Variants in FAAH2 observed in about 807,000 individuals in gnomAD.
FAAH2 encodes fatty acid amide hydrolase 2.
FAAH2 carries 60 observed loss-of-function variants against 36.9 expected under a neutral mutation model. The ratio of observed to expected loss-of-function variants is 1.63; its 90% CI spans 1.32 to 2.02. The LOEUF is 2.02. FAAH2 is among the 30% of genes most tolerant of loss of function. The pLI is 0.00. For synonymous variants in FAAH2, 214 were observed against 143.8 expected (o/e 1.49, Z -3.49); for missense variants, 689 against 397.5 (o/e 1.73, Z -6.23).
chrX:57,184,520 G>T, the FAAH2 span, among the ~76,000 whole-genome samples: 1 of 111,996 alleles, frequency 8.9e-6, no homozygotes, highest in Non-Finnish European at 1.9e-5. Flanking sequence ...ATTGGGGGTG[G>T]GTTCCCCCAA....
At chrX:57,399,033 A>G (rs961052041) in intron 7 of FAAH2, among the ~76,000 whole-genome samples, 2 of 111,479 alleles carry the variant, frequency 1.8e-5, no homozygotes, top group Non-Finnish European at 3.8e-5. Context: ...TCAACATCCG[A>G]GCATGGACTA....
At chrX:57,161,186 A>G in the FAAH2 span, among the ~76,000 whole-genome samples, 115 of 112,063 alleles carry the variant, frequency 1.0e-3, 1 homozygote, top group African/African-American at 3.6e-3. Flanking sequence ...GAGTTTCTTA[A>G]TCCTGAGTTC....
In FAAH2 at chrX:57,306,911, T is replaced by C. The variant is rs1372009450; in HGVS notation, c.276-3682T>C. ...TACACCATATATACATATATAGTAC[T>C]ATATAGTATATATAGTGTGTATATA... On this transcript the variant is annotated intron_variant, in intron 2 of 10. Transcript: ENST00000374900. 6.0e-5 allele frequency among the ~76,000 whole-genome samples: 5 copies of C among 82,770 alleles called. No homozygotes were observed. In the East Asian group the frequency reaches 1.5e-3, roughly 24 times the overall value. 71.9% of individuals were successfully genotyped at this position (82,770 alleles called of 115,157 possible).
the FAAH2 span, among the ~76,000 whole-genome samples, chrX:57,175,968 A>G: frequency 8.1e-5 from 9 of 111,783 alleles, no homozygotes; most frequent in Admixed American, 3.8e-4. Context: ...TTTCTTTATA[A>G]GTTATCTGAT....
intron 6 of FAAH2, among the ~76,000 whole-genome samples, chrX:57,379,872 C>A (rs187428607): frequency 2.9e-5 from 3 of 104,997 alleles, no homozygotes; most frequent in African/African-American, 1.1e-4. Flanking sequence ...ACTTACCATT[C>A]ATTACCTCAT....
At chrX:57,438,207 A>G (rs975063374) in intron 8 of FAAH2, among the ~76,000 whole-genome samples, 1 of 104,233 alleles carries the variant, frequency 9.6e-6, no homozygotes, top group Non-Finnish European at 2.0e-5. Flanking sequence ...CTATATCTAT[A>G]TCACTATATA....
At chrX:57,454,391 G>A (rs976773886) in intron 10 of FAAH2, among the ~76,000 whole-genome samples, 2 of 111,590 alleles carry the variant, frequency 1.8e-5, no homozygotes, top group Non-Finnish European at 1.9e-5. Context: ...CCAAGAACTG[G>A]CAACTCAAAA....
chrX:57,162,241 G>T, the FAAH2 span, among the ~76,000 whole-genome samples: 4 of 112,026 alleles, frequency 3.6e-5, no homozygotes, highest in East Asian at 1.1e-3. Context: ...CTGTTAGTCT[G>T]ATGGGCTTCC....
intron 2 of FAAH2, among the ~76,000 whole-genome samples, chrX:57,302,007 C>A (rs990911767): frequency 3.6e-5 from 4 of 112,176 alleles, no homozygotes; most frequent in Non-Finnish European, 7.5e-5. Context: ...GTTTTTCTTG[C>A]TTGCCTGGAA....
At chrX:57,306,821 C>CTA (rs764579200) in intron 2 of FAAH2, among the ~76,000 whole-genome samples, 1 of 91,471 alleles carries the variant, frequency 1.1e-5, no homozygotes, top group Non-Finnish European at 2.2e-5. Flanking sequence ...CATATATACA[C>CTA]TATATATATA....
chrX:57,404,566 C>T (rs1405911610), intron 7 of FAAH2, among the ~76,000 whole-genome samples: 1 of 111,506 alleles, frequency 9.0e-6, no homozygotes, highest in Non-Finnish European at 1.9e-5. Context: ...AGTTGTATGC[C>T]TAAATTGGGA....
At chrX:57,268,421 A>G in the FAAH2 span, among the ~76,000 whole-genome samples, 1 of 111,998 alleles carries the variant, frequency 8.9e-6, no homozygotes, top group African/African-American at 3.2e-5. Flanking sequence ...AACTTGGAAA[A>G]CATATTTCAG....
chrX:57,466,128 A>ATCTCTCTC (rs66516710), intron 10 of FAAH2, among the ~76,000 whole-genome samples: 79 of 70,792 alleles, frequency 1.1e-3, no homozygotes, highest in African/African-American at 3.8e-3. Flanking sequence ...TTGTTGGATT[A>ATCTCTCTC]TCTCTCTCTC....
chrX:57,382,809 C>T (rs997826632), intron 7 of FAAH2, among the ~76,000 whole-genome samples: 2 of 111,412 alleles, frequency 1.8e-5, no homozygotes, highest in Admixed American at 1.9e-4. Flanking sequence ...AGAGGGAATC[C>T]TCCCTAACTC....
At chrX:57,331,389 A>T (rs2053401229) in intron 3 of FAAH2, among the ~76,000 whole-genome samples, 1 of 109,780 alleles carries the variant, frequency 9.1e-6, no homozygotes, top group African/African-American at 3.3e-5. Context: ...CTTCCTCCCC[A>T]TTCAGCCCAG....
chrX:57,395,244 C>A (rs1602521702), intron 7 of FAAH2: 1 of 627,949 alleles, frequency 1.6e-6, no homozygotes, highest in Admixed American at 2.3e-5. Flanking sequence ...CAGCCTTCAG[C>A]TTCACATTAT....
chrX:57,304,001 G>T (rs1254693236), intron 2 of FAAH2, among the ~76,000 whole-genome samples: 1 of 111,183 alleles, frequency 9.0e-6, no homozygotes, highest in African/African-American at 3.3e-5. Context: ...GAGGTCAGGA[G>T]TTCGAGACCA....
At chrX:57,242,179 G>T in the FAAH2 span, among the ~76,000 whole-genome samples, 1 of 112,019 alleles carries the variant, frequency 8.9e-6, no homozygotes, top group Non-Finnish European at 1.9e-5. Context: ...CTCCCAGCAG[G>T]GGTCAGCAGA....
chrX:57,311,502 T>A (rs1035847312), intron 3 of FAAH2, among the ~76,000 whole-genome samples: 2 of 111,639 alleles, frequency 1.8e-5, no homozygotes, highest in African/African-American at 3.3e-5. Context: ...GAGATGGGCC[T>A]TCAGAGGGCT....
Sources: gnomAD v4.1 joint callset for allele counts (sites outside exome capture counted in the v4.1 genomes callset) on GRCh38, gnomAD v4.1.1 for gene constraint, MANE v1.5 for transcripts, NCBI Gene and HGNC (gene_info 2026-07-23, HGNC 2026-07-21) for gene names.